Variants in MYO3A observed in about 807,000 individuals in gnomAD.
MYO3A encodes myosin-IIIa.
MYO3A carries 180 observed loss-of-function variants against 192.7 expected under a neutral mutation model. That is an observed-to-expected ratio of 0.93 (90% CI 0.83 to 1.06). The LOEUF (loss-of-function observed/expected upper bound fraction) is 1.06, where lower values mean the gene tolerates loss of function less well. Ranked by LOEUF, MYO3A falls within the 50% of genes least tolerant of loss-of-function variation. The probability of loss-of-function intolerance (pLI) is 0.00; values close to 1 mark genes in which losing one functional copy is unlikely to be tolerated. For missense variants in MYO3A, 1,896 were observed against 1,905.0 expected, an observed-to-expected ratio of 1.00 and a Z score of 0.09; for synonymous variants, 628 against 645.3, an observed-to-expected ratio of 0.97 and a Z score of 0.41.
At chr10:25,956,483 A>G (rs996601488) in intron 4 of MYO3A, among the ~76,000 whole-genome samples, 1 of 149,018 alleles carries the variant, frequency 6.7e-6, no homozygotes, top group African/African-American at 2.5e-5. Flanking sequence ...ACATGCCACC[A>G]TGCCCAGCTA....
chr10:26,201,732 G>A (rs557976403), intron 33 of MYO3A, among the ~76,000 whole-genome samples: 42 of 151,456 alleles, frequency 2.8e-4, no homozygotes, highest in African/African-American at 9.9e-4. Flanking sequence ...GCATAGATTT[G>A]GAAAGTAATG....
At chr10:26,170,767 C>T (rs1214774052) in intron 29 of MYO3A, among the ~76,000 whole-genome samples, 1 of 152,194 alleles carries the variant, frequency 6.6e-6, no homozygotes, top group African/African-American at 2.4e-5. Flanking sequence ...TATAATTCTA[C>T]TTCTAATTCT....
At chr10:26,008,896 C>G (rs375579724) in intron 6 of MYO3A, among the ~76,000 whole-genome samples, 3 of 151,642 alleles carry the variant, frequency 2.0e-5, no homozygotes, top group South Asian at 2.1e-4. Flanking sequence ...CCAAAGGACT[C>G]TAAATCATGC....
intron 20 of MYO3A, among the ~76,000 whole-genome samples, chr10:26,140,003 G>A (rs1840059787): frequency 6.6e-6 from 1 of 152,192 alleles, no homozygotes; most frequent in African/African-American, 2.4e-5. Flanking sequence ...GCACAAAGCA[G>A]TACCCCAGAG....
Position 26,088,180 on chromosome 10 carries a change from AT to A in MYO3A, c.1360-22del, listed in dbSNP as rs1836460741. Reference sequence around the variant, plus strand: ...AAATTAATTTTTTATGTTTTTAAAAATATCTTAATATTTTCTATTTAGGCTA... The same window carrying A: ...AAATTAATTTTTTATGTTTTTAAAAAATCTTAATATTTTCTATTTAGGCTA... On this transcript the variant is annotated intron_variant, in intron 14 of 34. Coordinates refer to ENST00000642920, the MANE Select transcript of MYO3A (RefSeq NM_017433.5). 4 of 1,522,944 alleles carry A rather than the reference AT, an allele frequency of 2.6e-6. No homozygotes were observed. The African/African-American group carries it at 4.2e-5, about 16-fold the overall frequency. 94.3% of individuals were successfully genotyped at this position (1,522,944 alleles called of 1,614,324 possible). A position where few individuals can be genotyped will look rare whatever the true frequency, so the allele number is the denominator to read the frequency against.
chr10:25,953,252 G>A (rs1477665589), intron 3 of MYO3A, among the ~76,000 whole-genome samples: 1 of 151,966 alleles, frequency 6.6e-6, no homozygotes, highest in Admixed American at 6.6e-5. Context: ...GTCTCCATTT[G>A]TTCGTCTTAG....
chr10:26,007,552 A>G (rs546118622), intron 6 of MYO3A, among the ~76,000 whole-genome samples: 16 of 152,296 alleles, frequency 1.1e-4, no homozygotes, highest in East Asian at 7.7e-4. Flanking sequence ...TACAAAATCA[A>G]TGTGCCAAAA....
Position 26,026,360 on chromosome 10 carries a change from C to CT in MYO3A, c.798-11dup. The stretch of plus-strand genomic sequence containing the variant: ...CTAACTTATCTAATAATTGCATGTT[C>CT]TTTTTTGCCAGTGCAGGTGCTTGAC... On this transcript the variant is annotated splice_polypyrimidine_tract_variant and intron_variant, in intron 9 of 34. Transcript: ENST00000642920. 1.9e-6 allele frequency: 3 copies of CT among 1,613,728 alleles called. No individual in the cohort carries two copies. The highest frequency in any genetic ancestry group is 2.2e-5 in the East Asian group (1 of 44,856).
chr10:26,042,093 A>G (rs1287344556), intron 10 of MYO3A, among the ~76,000 whole-genome samples: 1 of 152,134 alleles, frequency 6.6e-6, no homozygotes, highest in Non-Finnish European at 1.5e-5. Flanking sequence ...CAGATATACT[A>G]TTCTAGGGTA....
intron 2 of MYO3A, among the ~76,000 whole-genome samples, chr10:25,940,162 T>C (rs896908251): frequency 2.0e-5 from 3 of 152,068 alleles, no homozygotes; most frequent in African/African-American, 7.2e-5. Context: ...TGTAGTCCAG[T>C]TATAATTATT....
rs1397884738 is a variant in MYO3A, at chr10:26,168,792, T to A, written c.3192T>A (p.Ala1064=). The change falls in exon 28 of 35, where the codon GCT becomes GCA. Residue 1064 remains alanine, a synonymous_variant. Transcript: ENST00000642920. ...EAIDKLILIQ[A]CVRAFLCSRR... ...TTGACAAGCTTATTTTGATTCAAGC[T>A]TGTGTCAGAGCATTCTTGTGTTCAA... The A allele has an allele frequency of 6.2e-7, 1 of 1,613,352 alleles. No homozygotes were observed. Among genetic ancestry groups the A allele is most frequent in the Non-Finnish European group, 8.5e-7 (1 of 1,179,722 alleles).
In MYO3A at chr10:25,985,255, A is replaced by AG. The variant is rs1554794859; in HGVS notation, c.304-11235_304-11234insG. Among the ~76,000 whole-genome samples the AG allele has an allele frequency of 6.4e-4, 95 of 147,536 alleles. 2 individuals carry two copies. Among genetic ancestry groups the AG allele is most frequent in the Admixed American group, 5.0e-3 (74 of 14,878 alleles). On this transcript the variant is annotated intron_variant, in intron 4 of 34. Transcript: ENST00000642920. ...TCTGTCTCAAAAAAAAAAAAAAAAA[A>AG]AAATTCTGAAAGAGCACAAATATAT...
chr10:25,965,587 G>T (rs1564411243), intron 4 of MYO3A, among the ~76,000 whole-genome samples: 1 of 151,926 alleles, frequency 6.6e-6, no homozygotes, highest in East Asian at 1.9e-4. Flanking sequence ...ACTGTCTCTG[G>T]GCCCTAGTGC....
chr10:26,212,068 G>T lies in MYO3A; in HGVS notation c.*105G>T. The T allele has an allele frequency of 1.4e-6, 2 of 1,461,480 alleles. No individual in the cohort carries two copies. The highest frequency in any genetic ancestry group is 1.4e-5 in the African/African-American group (1 of 70,784). 90.5% of individuals were successfully genotyped at this position (1,461,480 alleles called of 1,614,324 possible). A position where few individuals can be genotyped will look rare whatever the true frequency, so the allele number is the denominator to read the frequency against. On this transcript the variant is annotated 3_prime_UTR_variant, in exon 35 of 35. Coordinates refer to ENST00000642920, the MANE Select transcript of MYO3A (RefSeq NM_017433.5). ...TGGCACCAGCAGGCACTGAAGCTGC[G>T]GCCCTGATCTCCGCAGAGGCTGCCT...
rs754915573 is a variant in MYO3A at position 26,024,020 on chromosome 10, AG to A, written c.732del. 3 of 1,611,942 alleles carry A rather than the reference AG, an allele frequency of 1.9e-6. No homozygotes were observed. Among genetic ancestry groups the A allele is most frequent in the Non-Finnish European group, 2.5e-6 (3 of 1,178,222 alleles). ...ATCCAACATTGATTCTTATTTTTCT[AG>A]GAATCCACCCCCAAAACTAAGGCAG... On this transcript the variant is annotated splice_acceptor_variant, in intron 8 of 34. Transcript: ENST00000642920. LOFTEE classifies it high-confidence loss of function.
At chr10:26,182,631 T>C (rs997293240) in intron 31 of MYO3A, among the ~76,000 whole-genome samples, 1 of 152,176 alleles carries the variant, frequency 6.6e-6, no homozygotes, top group African/African-American at 2.4e-5. Flanking sequence ...TTATTCCAAG[T>C]TTTCACCTCA....
chr10:26,092,731 A>G (rs935187933), intron 15 of MYO3A, among the ~76,000 whole-genome samples: 2 of 152,210 alleles, frequency 1.3e-5, no homozygotes, highest in Admixed American at 6.5e-5. Context: ...ATCCACAAGT[A>G]GGAATGAGGC....
intron 14 of MYO3A, among the ~76,000 whole-genome samples, chr10:26,077,913 G>A (rs918184824): frequency 6.6e-6 from 1 of 151,968 alleles, no homozygotes; most frequent in Non-Finnish European, 1.5e-5. Context: ...ATTTTGTTAA[G>A]GATTTTAGCA....
chr10:26,086,051 AG>A (rs1483180636), intron 14 of MYO3A, among the ~76,000 whole-genome samples: 10 of 152,072 alleles, frequency 6.6e-5, no homozygotes, highest in Non-Finnish European at 1.5e-4. Flanking sequence ...GGAGGCTTGA[AG>A]GTGTATTAGC....
Sources: gnomAD v4.1 joint callset for allele counts (sites outside exome capture counted in the v4.1 genomes callset) on GRCh38, gnomAD v4.1.1 for gene constraint, MANE v1.5 for transcripts, NCBI Gene and HGNC (gene_info 2026-07-23, HGNC 2026-07-21) for gene names.